The following SPOCK3 variants were observed in gnomAD, a reference collection of about 807,000 sequenced individuals.
SPOCK3 encodes testican-3.
A neutral mutation model predicts 56.6 loss-of-function variants in SPOCK3; 30 were observed. The observed-to-expected ratio is 0.53, with a 90% CI of 0.40 to 0.72. The LOEUF (loss-of-function observed/expected upper bound fraction) is 0.72, where lower values mean the gene tolerates loss of function less well. SPOCK3 is among the 30% of genes least tolerant of loss of function. The probability of loss-of-function intolerance (pLI) is 0.00; values close to 1 mark genes in which losing one functional copy is unlikely to be tolerated. For synonymous variants in SPOCK3, 196 were observed against 183.3 expected (o/e 1.07, Z -0.56); for missense variants, 527 against 530.0 (o/e 0.99, Z 0.06).
At chr4:166,874,914 C>T (rs1732918232) in intron 6 of SPOCK3, among the ~76,000 whole-genome samples, 1 of 152,074 alleles carries the variant, frequency 6.6e-6, no homozygotes, top group African/African-American at 2.4e-5. Context: ...TATAAATAGA[C>T]TAGAATATCA....
Position 166,862,750 on chromosome 4 carries a change from T to C in SPOCK3, c.589+26380A>G, listed in dbSNP as rs114888128. Among the ~76,000 whole-genome samples the C allele has an allele frequency of 5.1e-3, 777 of 152,232 alleles. 6 individuals carry two copies. Among genetic ancestry groups the C allele is most frequent in the Non-Finnish European group, 7.7e-3 (526 of 67,980 alleles). ...AGATTGAACTAAATCCTTATCATTA[T>C]TTTTCTTTCAAGAGCTTTCAACAAG... On this transcript the variant is annotated intron_variant, in intron 6 of 10. Coordinates refer to ENST00000357545, the MANE Select transcript of SPOCK3 (RefSeq NM_001040159.2).
rs115048405 is a variant in SPOCK3 at position 166,808,302 on chromosome 4, C to A, written c.590-16013G>T. On this transcript the variant is annotated intron_variant, in intron 6 of 10. Coordinates refer to ENST00000357545, the MANE Select transcript of SPOCK3 (RefSeq NM_001040159.2). ...CTCCTTGCTATAGACTAAATTATTT[C>A]TCTCCCAAACACATATGTTGAAGCC... Among the ~76,000 whole-genome samples, 529 of 152,152 alleles carry A rather than the reference C, an allele frequency of 3.5e-3. 6 individuals carry two copies. The highest frequency in any genetic ancestry group is 0.012 in the African/African-American group (498 of 41,528).
intron 3 of SPOCK3, among the ~76,000 whole-genome samples, chr4:167,044,599 T>C (rs1373535083): frequency 6.6e-6 from 1 of 152,104 alleles, no homozygotes; most frequent in African/African-American, 2.4e-5. Flanking sequence ...CACAAACAAA[T>C]TTTGATAATT....
At chr4:167,039,026 G>A (rs916529248) in intron 3 of SPOCK3, among the ~76,000 whole-genome samples, 2 of 152,154 alleles carry the variant, frequency 1.3e-5, no homozygotes, top group Non-Finnish European at 2.9e-5. Flanking sequence ...ATAGAAGCTA[G>A]AAGTCTGAAA....
chr4:167,223,110 TAATATATATTTTATATATG>T lies in SPOCK3; in HGVS notation c.189+10856_189+10874del, dbSNP rs1241765022. On this transcript the variant is annotated intron_variant, in intron 2 of 10. Coordinates refer to ENST00000357545, the MANE Select transcript of SPOCK3 (RefSeq NM_001040159.2). ...AATATATATTTTATATATGAATATA[TAATATATATTTTATATATG>T]AATATATATTTTATATATGAATATA... is the stretch of plus-strand genomic sequence containing the variant. Among the ~76,000 whole-genome samples, 38 of 88,768 alleles carry T rather than the reference TAATATATATTTTATATATG, an allele frequency of 4.3e-4. 1 individual carries two copies. The highest frequency in any genetic ancestry group is 1.1e-3 in the South Asian group (4 of 3,642). The allele number at this position is 88,768 out of a possible 152,430, so 58.2% of individuals were successfully genotyped here.
rs182109453 is a variant in SPOCK3 at position 166,818,179 on chromosome 4, C to T, written c.590-25890G>A. Among the ~76,000 whole-genome samples, 5 of 151,966 alleles carry T rather than the reference C, an allele frequency of 3.3e-5. No homozygotes were observed. The East Asian group carries it at 5.8e-4, about 18-fold the overall frequency. On this transcript the variant is annotated intron_variant, in intron 6 of 10. Transcript: ENST00000357545. ...TAAGTCACTTAACATAATATTCCCC[C>T]GGCTCATTCCTGTTGCTGTGAATGA... is the stretch of plus-strand genomic sequence containing the variant.
chr4:167,083,988 G>C (rs1156607438), intron 2 of SPOCK3, among the ~76,000 whole-genome samples: 2 of 152,054 alleles, frequency 1.3e-5, no homozygotes, highest in African/African-American at 4.8e-5. Context: ...TTAGCAGAAA[G>C]GTCAGGTGTT....
rs1734059761 is a variant in SPOCK3, at chr4:167,205,360, ATTATATATTTTAT to A, written c.189+28612_189+28624del. Among the ~76,000 whole-genome samples the A allele has an allele frequency of 5.7e-5, 2 of 35,106 alleles. 1 individual carries two copies. The highest frequency in any genetic ancestry group is 3.2e-4 in the African/African-American group (2 of 6,260). The allele number at this position is 35,106 out of a possible 152,430, so 23.0% of individuals were successfully genotyped here. On this transcript the variant is annotated intron_variant, in intron 2 of 10. Coordinates refer to ENST00000357545, the MANE Select transcript of SPOCK3 (RefSeq NM_001040159.2). The stretch of plus-strand genomic sequence containing the variant: ...TATATATTATATATATAATATATAT[ATTATATATTTTAT>A]ATATATAATATATATATTTTATATA...
At chr4:166,853,166 A>G (rs1730310487) in intron 6 of SPOCK3, among the ~76,000 whole-genome samples, 1 of 152,224 alleles carries the variant, frequency 6.6e-6, no homozygotes, top group Admixed American at 6.5e-5. Context: ...AGATATTGAA[A>G]TAGGTTGCTA....
intron 2 of SPOCK3, among the ~76,000 whole-genome samples, chr4:167,221,099 C>T (rs572443105): frequency 2.6e-5 from 4 of 152,174 alleles, no homozygotes; most frequent in African/African-American, 9.6e-5. Context: ...ATGTGACACA[C>T]CTGTAACGCC....
intron 7 of SPOCK3, among the ~76,000 whole-genome samples, chr4:166,766,282 G>A (rs1004085025): frequency 1.3e-5 from 2 of 152,252 alleles, no homozygotes; most frequent in African/African-American, 4.8e-5. Context: ...CAAAGGGAAT[G>A]CTTCCAGTTT....
intron 4 of SPOCK3, among the ~76,000 whole-genome samples, chr4:166,947,607 G>A (rs1034486970): frequency 1.6e-4 from 24 of 151,910 alleles, no homozygotes; most frequent in Admixed American, 9.8e-4. Context: ...AAAGAAAAAC[G>A]TAACAGTTTT....
chr4:167,233,485 C>T (rs1307417782), intron 2 of SPOCK3, among the ~76,000 whole-genome samples: 1 of 152,126 alleles, frequency 6.6e-6, no homozygotes, highest in Non-Finnish European at 1.5e-5. Context: ...TCAACGAGTC[C>T]TTACTGGTGC....
chr4:167,183,800 G>C (rs1351694842), intron 2 of SPOCK3, among the ~76,000 whole-genome samples: 1 of 152,100 alleles, frequency 6.6e-6, no homozygotes, highest in African/African-American at 2.4e-5. Flanking sequence ...TGAGAACAAT[G>C]ACAGCAAATA....
intron 2 of SPOCK3, among the ~76,000 whole-genome samples, chr4:167,130,435 T>C (rs1171393165): frequency 2.0e-5 from 3 of 152,040 alleles, no homozygotes; most frequent in Admixed American, 6.6e-5. Context: ...AAAGTCAATA[T>C]AGAGAAAACA....
chr4:166,951,866 T>C (rs928010796), intron 4 of SPOCK3, among the ~76,000 whole-genome samples: 13 of 152,112 alleles, frequency 8.5e-5, no homozygotes, highest in Non-Finnish European at 1.5e-4. Flanking sequence ...GAAAAGGCCT[T>C]TGACAAAATT....
intron 2 of SPOCK3, among the ~76,000 whole-genome samples, chr4:167,197,508 C>T (rs1161187525): frequency 6.6e-6 from 1 of 151,680 alleles, no homozygotes; most frequent in African/African-American, 2.4e-5. Context: ...TGTGAGAAAT[C>T]TATAGTTCAT....
intron 8 of SPOCK3, among the ~76,000 whole-genome samples, chr4:166,746,529 G>A (rs1403762800): frequency 6.6e-6 from 1 of 152,118 alleles, no homozygotes; most frequent in Non-Finnish European, 1.5e-5. Context: ...ACAAGAGAAA[G>A]CAGGAAAGAT....
At chr4:166,981,967 G>A (rs1343785099) in intron 4 of SPOCK3, among the ~76,000 whole-genome samples, 1 of 152,210 alleles carries the variant, frequency 6.6e-6, no homozygotes, top group African/African-American at 2.4e-5. Context: ...AGTTCGGAGA[G>A]GGCAGGAAGT....
Sources: gnomAD v4.1 joint callset for allele counts (sites outside exome capture counted in the v4.1 genomes callset) on GRCh38, gnomAD v4.1.1 for gene constraint, MANE v1.5 for transcripts, NCBI Gene and HGNC (gene_info 2026-07-23, HGNC 2026-07-21) for gene names.